Variants in ZFYVE26 observed in about 807,000 individuals in gnomAD.
ZFYVE26 encodes zinc finger FYVE domain-containing protein 26.
A neutral mutation model predicts 276.5 loss-of-function variants in ZFYVE26; 181 were observed. That is an observed-to-expected ratio of 0.65 (90% CI 0.58 to 0.74). The LOEUF (loss-of-function observed/expected upper bound fraction) is 0.74. Ranked by LOEUF, ZFYVE26 falls within the 30% of genes least tolerant of loss-of-function variation. The probability of loss-of-function intolerance (pLI) is 0.00; values close to 1 mark genes in which losing one functional copy is unlikely to be tolerated. For synonymous variants in ZFYVE26, 1,129 were observed against 1,203.1 expected (o/e 0.94, Z 1.27); for missense variants, 2,821 against 3,097.9 (o/e 0.91, Z 2.12).
chr14:67,761,155 G>A (rs1326204480), intron 35 of ZFYVE26: 3 of 683,466 alleles, frequency 4.4e-6, no homozygotes, highest in African/African-American at 1.8e-5. Flanking sequence ...TGCTGGTGAG[G>A]GCAGTGATTT....
chr14:67,802,334 G>GC, intron 9 of ZFYVE26, 52 bp from the exon 10 acceptor site: 3 of 1,575,252 alleles, frequency 1.9e-6, no homozygotes, highest in Non-Finnish European at 2.6e-6. Context: ...AATTCAGGAT[G>GC]CAAGTATGGG....
intron 41 of ZFYVE26, chr14:67,750,639 G>A (rs1296821200): frequency 2.0e-5 from 5 of 245,404 alleles, no homozygotes; most frequent in Non-Finnish European, 3.2e-5. Context: ...AGTGTGGGGT[G>A]GGGATTTTTT....
At position 67,783,483 on chromosome 14, in the gene ZFYVE26, C is replaced by T; in HGVS notation, c.3669G>A (p.Val1223=). Reference sequence around the variant, plus strand: ...AGCAGCAGCTGACGATGACCTGTGGCACACTTAGGCTGAGATTCTCTTGGG... The same window carrying T: ...AGCAGCAGCTGACGATGACCTGTGGTACACTTAGGCTGAGATTCTCTTGGG... The part of the protein sequence containing the change: ...LLAQENLSLS[V]PQVIVSCCCE... Residue 1223 remains valine (V), a synonymous_variant, in exon 21 of 42, where the codon GTG becomes GTA. Transcript: ENST00000347230. The T allele has an allele frequency of 1.9e-6, 3 of 1,613,800 alleles. No individual in the cohort carries two copies. Among genetic ancestry groups the T allele is most frequent in the Non-Finnish European group, 2.5e-6 (3 of 1,180,024 alleles).
In ZFYVE26 at chr14:67,781,446, G is replaced by A; in HGVS notation, c.4456C>T (p.Pro1486Ser). 4 of 1,614,140 alleles carry A rather than the reference G, an allele frequency of 2.5e-6. No individual in the cohort carries two copies. Among genetic ancestry groups the A allele is most frequent in the African/African-American group, 1.3e-5 (1 of 75,032 alleles). ...AGAATCTCCAGGCATGACTCCAGGG[G>A]CCACCTGTCCACAAACTGTAGGGCC... ...RLALQFVDRWPLESCLEILAY... is the reference protein window; with the variant it reads ...RLALQFVDRWSLESCLEILAY... The change falls in exon 22 of 42, where the codon CCC becomes TCC. Residue 1486 changes from proline (P) to serine (S), a missense_variant. Pro to Ser is a moderately conservative substitution (Grantham distance 74). Transcript: ENST00000347230.
chr14:67,804,878 T>A (rs79782661), intron 8 of ZFYVE26, among the ~76,000 whole-genome samples: 5,066 of 152,296 alleles, frequency 0.033, 193 homozygotes, highest in African/African-American at 0.087. Flanking sequence ...AATATTGGTA[T>A]CTACCCATAG....
chr14:67,798,167 T>A lies in ZFYVE26; in HGVS notation c.2095A>T (p.Ile699Phe). Reference sequence around the variant, plus strand: ...TTCTCAGGAGGGCTGCGGCTACTGATCTCATCCAGTTGCTCTTGGAGAAGC... The same window carrying A: ...TTCTCAGGAGGGCTGCGGCTACTGAACTCATCCAGTTGCTCTTGGAGAAGC... ...LRLLQEQLDE[I>F]SSRSPPEKPK... The change falls in exon 11 of 42, where the codon ATC becomes TTC. Residue 699 changes from isoleucine to phenylalanine, a missense_variant. Physicochemically the swap from Ile to Phe is conservative, Grantham distance 21. Transcript: ENST00000347230. The A allele has an allele frequency of 6.2e-7, 1 of 1,614,146 alleles. No homozygotes were observed. Among genetic ancestry groups the A allele is most frequent in the Non-Finnish European group, 8.5e-7 (1 of 1,180,010 alleles).
At position 67,781,494 on chromosome 14, in the gene ZFYVE26, C is replaced by G. The variant is rs1388977274; in HGVS notation, c.4408G>C (p.Asp1470His). 6.2e-7 allele frequency: 1 copy of G among 1,614,032 alleles called. No homozygotes were observed. The highest frequency in any genetic ancestry group is 8.5e-7 in the Non-Finnish European group (1 of 1,180,050). ...GCCAGCCGACTTCTCAGAGATGCAT[C>G]CTTCACGGGAAACAGGTATTGCCAA... Reference protein sequence around the residue: ...EGWQYLFPVKDASLRSRLALQ... With the variant: ...EGWQYLFPVKHASLRSRLALQ... Residue 1470 changes from aspartate to histidine, a missense_variant, in exon 22 of 42, where the codon GAT (aspartate) becomes CAT (histidine). Physicochemically the swap from Asp to His is moderately conservative, Grantham distance 81. Coordinates refer to ENST00000347230, the MANE Select transcript of ZFYVE26 (RefSeq NM_015346.4).
intron 13 of ZFYVE26, among the ~76,000 whole-genome samples, chr14:67,733,363 C>T (rs867371333): frequency 1.8e-4 from 28 of 152,242 alleles, no homozygotes; most frequent in Middle Eastern, 3.4e-3. Flanking sequence ...TCTTCAATTA[C>T]GAATGTAGGC....
At chr14:67,763,407 C>T (rs958682101) in intron 32 of ZFYVE26, among the ~76,000 whole-genome samples, 3 of 152,188 alleles carry the variant, frequency 2.0e-5, no homozygotes, top group Non-Finnish European at 2.9e-5. Flanking sequence ...CAATGAACTG[C>T]ATATACAATG....
At chr14:67,804,596 T>C (rs1471240214) in intron 8 of ZFYVE26, among the ~76,000 whole-genome samples, 1 of 152,226 alleles carries the variant, frequency 6.6e-6, no homozygotes, top group African/African-American at 2.4e-5. Flanking sequence ...GGCTGTACTT[T>C]GAGTAAGAGC....
chr14:67,802,305 C>A, intron 9 of ZFYVE26, 23 bp from the exon 10 acceptor site: 1 of 1,612,848 alleles, frequency 6.2e-7, no homozygotes, highest in Non-Finnish European at 8.5e-7. Context: ...GAGAAACAGG[C>A]TGAACTTGAG....
rs1051361852 is a variant in ZFYVE26 at position 67,815,901 on chromosome 14, G to A, written c.63C>T (p.Cys21=). 2.5e-6 allele frequency: 4 copies of A among 1,613,822 alleles called. No individual in the cohort carries two copies. The highest frequency in any genetic ancestry group is 3.4e-6 in the Non-Finnish European group (4 of 1,179,942). ...ASQKQLFGFF[C]ECLRRGEWEL... is the part of the protein sequence containing the mutation. ...CCCATTCTCCCCTCCGCAGGCATTC[G>A]CAGAAAAATCCAAAAAGCTGCTTCT... The change falls in exon 2 of 42, where the codon TGC becomes TGT. Residue 21 remains cysteine (C), a synonymous_variant. Transcript: ENST00000347230.
At chr14:67,757,139 C>A (rs2038798666) in intron 35 of ZFYVE26, among the ~76,000 whole-genome samples, 1 of 152,344 alleles carries the variant, frequency 6.6e-6, no homozygotes, top group Non-Finnish European at 1.5e-5. Context: ...TGGATCCCTG[C>A]CATCATCGTT....
At chr14:67,737,631 G>A (rs1197707744) in intron 13 of ZFYVE26, among the ~76,000 whole-genome samples, 1 of 152,138 alleles carries the variant, frequency 6.6e-6, no homozygotes, top group Admixed American at 6.5e-5. Context: ...GAATCTGGGT[G>A]GTGCAACACA....
intron 34 of ZFYVE26, chr14:67,761,791 A>T (rs2038937950): frequency 1.7e-6 from 1 of 605,004 alleles, no homozygotes; most frequent in South Asian, 2.0e-5. Flanking sequence ...AAGAATATTT[A>T]ACAATGTGGA....
chr14:67,745,907 G>A (rs567457703), downstream of ZFYVE26, among the ~76,000 whole-genome samples: 6 of 115,500 alleles, frequency 5.2e-5, no homozygotes, highest in East Asian at 1.6e-3. Flanking sequence ...TCCAGCCTGG[G>A]TGACAGAGCT....
rs112905980 is a variant in ZFYVE26, at chr14:67,782,234, A to C, written c.4372+546T>G. On this transcript the variant is annotated intron_variant, in intron 21 of 41. Coordinates refer to ENST00000347230, the MANE Select transcript of ZFYVE26 (RefSeq NM_015346.4). ...GCTTTCCACTCTGGTTACACGTCAG[A>C]ATTTCCTGGGGAGCTTTCAAAGCAG... 2.2e-3 allele frequency among the ~76,000 whole-genome samples: 339 copies of C among 152,312 alleles called. 4 individuals are homozygous for C. The highest frequency in any genetic ancestry group is 1.8e-3 in the Non-Finnish European group (121 of 68,022).
chr14:67,809,417 T>A lies in ZFYVE26; in HGVS notation c.274-128A>T, dbSNP rs913977230. ...TCTAAGATGAAGCACTCTTTTTTTT[T>A]TTTTTTTTTTTTTTTTTTATTTTGA... is the stretch of plus-strand genomic sequence containing the variant. On this transcript the variant is annotated intron_variant, in intron 3 of 41. Transcript: ENST00000347230. The A allele has an allele frequency of 1.3e-3, 753 of 569,630 alleles. 11 individuals are homozygous for A. The highest frequency in any genetic ancestry group is 5.6e-3 in the South Asian group (253 of 45,478). 35.3% of individuals were successfully genotyped at this position (569,630 alleles called of 1,614,324 possible).
chr14:67,769,058 CAACA>C (rs776426303), intron 29 of ZFYVE26, among the ~76,000 whole-genome samples: 4 of 152,146 alleles, frequency 2.6e-5, no homozygotes, highest in South Asian at 2.1e-4. Flanking sequence ...AACACTGAGC[CAACA>C]AACAAAGTCT....
Sources: allele counts gnomAD v4.1 joint callset (sites outside exome capture counted in the v4.1 genomes callset), GRCh38; gene constraint gnomAD v4.1.1; transcripts MANE v1.5; gene names NCBI Gene and HGNC (gene_info 2026-07-23, HGNC 2026-07-21).